OR4D10: variants seen among roughly 807,000 people sequenced by gnomAD.
OR4D10 encodes olfactory receptor family 4 subfamily D member 10, also known as olfactory receptor 4D10.
For synonymous variants in OR4D10, 188 were observed against 153.2 expected (o/e 1.23, Z -1.68); for missense variants, 395 against 378.0 (o/e 1.04, Z -0.37).
rs1467130428 is a variant in OR4D10, at chr11:59,478,966, T to C, written c.*601T>C. ...GGTGTATCTGAAACACAATGGAGTT[T>C]GGGGATTGACTTTCTGTATAATTTT... On this transcript the variant is annotated 3_prime_UTR_variant, in exon 3 of 3. Transcript: ENST00000530162. The C allele has an allele frequency of 6.6e-6, 1 of 152,194 alleles. No individual in the cohort carries two copies. Among genetic ancestry groups the C allele is most frequent in the Non-Finnish European group, 1.5e-5 (1 of 68,076 alleles). The allele number at this position is 152,194 out of a possible 1,614,324, so 9.4% of individuals were successfully genotyped here. A position where few individuals can be genotyped will look rare whatever the true frequency, so the allele number is the denominator to read the frequency against.
rs907012294 is a variant in OR4D10 at position 59,479,082 on chromosome 11, C to T, written c.*717C>T. The T allele has an allele frequency of 1.1e-4, 17 of 152,164 alleles. No homozygotes were observed. The highest frequency in any genetic ancestry group is 3.4e-4 in the African/African-American group (14 of 41,422). The allele number at this position is 152,164 out of a possible 1,614,324, so 9.4% of individuals were successfully genotyped here. On this transcript the variant is annotated 3_prime_UTR_variant, in exon 3 of 3. Transcript: ENST00000530162. ...ACCCCAAGCTCACTGGCCACCCTAC[C>T]GCATTTCCTTGGCACTCTGTGCTTA...
chr11:59,477,285 G>A lies in OR4D10; in HGVS notation c.-145G>A. 1 of 531,078 alleles carries A rather than the reference G, an allele frequency of 1.9e-6. No individual in the cohort carries two copies. The highest frequency in any genetic ancestry group is 3.2e-6 in the Non-Finnish European group (1 of 308,800). 32.9% of individuals were successfully genotyped at this position (531,078 alleles called of 1,614,324 possible). ...AGACTAACTGAAATCTGAAAAACGT[G>A]AACAATGCAACAAACTGCAAAAACT... On this transcript the variant is annotated 5_prime_UTR_variant, in exon 3 of 3. Coordinates refer to ENST00000530162, the MANE Select transcript of OR4D10 (RefSeq NM_001004705.2).
In OR4D10 at chr11:59,477,975, C is replaced by G; in HGVS notation, c.546C>G (p.His182Gln). 1.2e-6 allele frequency: 2 copies of G among 1,614,164 alleles called. No homozygotes were observed. Among genetic ancestry groups the G allele is most frequent in the South Asian group, 2.2e-5 (2 of 91,088 alleles). The change falls in exon 3 of 3, where the codon CAC (histidine) becomes CAG (glutamine). Residue 182 changes from histidine (H) to glutamine (Q), a missense_variant. Physicochemically the swap from His to Gln is conservative, Grantham distance 24 (BLOSUM62 0). Coordinates refer to ENST00000530162, the MANE Select transcript of OR4D10 (RefSeq NM_001004705.2). ...NVLDTFYCDV[H>Q]RVLKLAHTDI... ...TTGACACTTTCTACTGTGATGTCCA[C>G]CGGGTCCTCAAACTGGCCCATACAG... is the stretch of plus-strand genomic sequence containing the variant.
In OR4D10 at chr11:59,478,431, A is replaced by C. The variant is rs372132001; in HGVS notation, c.*66A>C. The C allele has an allele frequency of 9.1e-7, 1 of 1,103,990 alleles. No homozygotes were observed. Among genetic ancestry groups the C allele is most frequent in the East Asian group, 2.6e-5 (1 of 38,626 alleles). The allele number at this position is 1,103,990 out of a possible 1,614,324, so 68.4% of individuals were successfully genotyped here. On this transcript the variant is annotated 3_prime_UTR_variant, in exon 3 of 3. Transcript: ENST00000530162. ...TATTTATTATTTTTCCCATGAAGTCATATTCATATATTCAAATATATTGTC... is the reference window on the plus strand; with the variant it reads ...TATTTATTATTTTTCCCATGAAGTCCTATTCATATATTCAAATATATTGTC...
At position 59,477,745 on chromosome 11, in the gene OR4D10, C is replaced by CT; in HGVS notation, c.318dup (p.Ile107TyrfsTer32). The CT allele has an allele frequency of 1.2e-6, 2 of 1,614,110 alleles. No homozygotes were observed. The highest frequency in any genetic ancestry group is 1.7e-6 in the Non-Finnish European group (2 of 1,180,024). ...CTTCACTCAGATGTTTCTATTCCAC[C>CT]TTATTGGAGGGGTGGATGTATTTTC... On this transcript the variant is annotated frameshift_variant, in exon 3 of 3. Coordinates refer to ENST00000530162, the MANE Select transcript of OR4D10 (RefSeq NM_001004705.2). LOFTEE classifies it low-confidence loss of function (END_TRUNC).
intron 2 of OR4D10, among the ~76,000 whole-genome samples, chr11:59,474,959 G>A (rs1483084916): frequency 1.3e-5 from 2 of 150,840 alleles, no homozygotes; most frequent in East Asian, 3.9e-4. Flanking sequence ...TACTAGGGAG[G>A]CTGAGGCAGG....
At position 59,478,120 on chromosome 11, in the gene OR4D10, G is replaced by T. The variant is rs75898556; in HGVS notation, c.691G>T (p.Glu231Ter). The change falls in exon 3 of 3, where the codon GAG becomes TAG. Residue 231 changes from glutamate (E) to a stop codon, truncating the protein, a stop_gained. Coordinates refer to ENST00000530162, the MANE Select transcript of OR4D10 (RefSeq NM_001004705.2). LOFTEE classifies it high-confidence loss of function. The stretch of plus-strand genomic sequence containing the variant: ...ATCATTACCCAAGTCTCAGGCAGGA[G>T]AGGGCAGGAGGAAAGCCATCTCCAC... ...ILSLPKSQAG[E>*]GRRKAISTCT... 40,522 of 1,614,022 alleles carry T rather than the reference G, an allele frequency of 0.025. 1,897 individuals carry two copies. Among genetic ancestry groups the T allele is most frequent in the Admixed American group, 0.17 (10,453 of 59,990 alleles).
intron 2 of OR4D10, among the ~76,000 whole-genome samples, chr11:59,476,334 G>A (rs1322124537): frequency 2.0e-5 from 3 of 152,134 alleles, no homozygotes; most frequent in Non-Finnish European, 2.9e-5. Context: ...AACAAAGCCT[G>A]AAATTGAGCA....
Position 59,473,541 on chromosome 11 carries a change from T to G in OR4D10, c.-324T>G, listed in dbSNP as rs1279930599. The G allele has an allele frequency of 6.6e-6, 1 of 152,206 alleles. No individual in the cohort carries two copies. The highest frequency in any genetic ancestry group is 1.5e-5 in the Non-Finnish European group (1 of 68,032). 9.4% of individuals were successfully genotyped at this position (152,206 alleles called of 1,614,324 possible). Reference sequence around the variant, plus strand: ...TTTAGCATAGCAAAGGGCTTAACTTTTAAACAAGATTTTCAAGAATTAATG... The same window carrying G: ...TTTAGCATAGCAAAGGGCTTAACTTGTAAACAAGATTTTCAAGAATTAATG... On this transcript the variant is annotated 5_prime_UTR_variant, in exon 1 of 3. Transcript: ENST00000530162.
At position 59,478,464 on chromosome 11, in the gene OR4D10, C is replaced by A; in HGVS notation, c.*99C>A. The A allele has an allele frequency of 2.5e-6, 2 of 788,930 alleles. No homozygotes were observed. Among genetic ancestry groups the A allele is most frequent in the Non-Finnish European group, 3.8e-6 (2 of 526,346 alleles). 48.9% of individuals were successfully genotyped at this position (788,930 alleles called of 1,614,324 possible). On this transcript the variant is annotated 3_prime_UTR_variant, in exon 3 of 3. Transcript: ENST00000530162. ...ATATTCAAATATATTGTCAAACCAA[C>A]TACACTTAGTAATAATTAATTTTTC... is the stretch of plus-strand genomic sequence containing the variant.
rs199559831 is a variant in OR4D10 at position 59,477,893 on chromosome 11, A to C, written c.464A>C (p.His155Pro). ...TVAAWLGGFV[H>P]SIVQISLLLP... is the part of the protein sequence containing the mutation. ...GCTGCCTGGTTGGGGGGCTTTGTCC[A>C]CTCCATCGTGCAGATTTCCCTGTTG... The change falls in exon 3 of 3, where the codon CAC becomes CCC. Residue 155 changes from histidine (H) to proline (P), a missense_variant. Transcript: ENST00000530162. 1,099 of 1,613,492 alleles carry C rather than the reference A, an allele frequency of 6.8e-4. 2 individuals are homozygous for C. The highest frequency in any genetic ancestry group is 9.1e-4 in the Non-Finnish European group (1,069 of 1,179,902).
In OR4D10 at chr11:59,477,358, A is replaced by G; in HGVS notation, c.-72A>G. 8.6e-7 allele frequency: 1 copy of G among 1,165,284 alleles called. No individual in the cohort carries two copies. Among genetic ancestry groups the G allele is most frequent in the Non-Finnish European group, 1.2e-6 (1 of 831,696 alleles). 72.2% of individuals were successfully genotyped at this position (1,165,284 alleles called of 1,614,324 possible). A position where few individuals can be genotyped will look rare whatever the true frequency, so the allele number is the denominator to read the frequency against. On this transcript the variant is annotated 5_prime_UTR_variant, in exon 3 of 3. Transcript: ENST00000530162. The stretch of plus-strand genomic sequence containing the variant: ...CACTGCATTCTAGGTGTTTAGGAAG[A>G]CAACAAAATAAATATCCCAGTGCTT...
Position 59,477,749 on chromosome 11 carries a change from T to C in OR4D10, c.320T>C (p.Ile107Thr). ...ACTCAGATGTTTCTATTCCACCTTATTGGAGGGGTGGATGTATTTTCTCTT... is the reference window on the plus strand; with the variant it reads ...ACTCAGATGTTTCTATTCCACCTTACTGGAGGGGTGGATGTATTTTCTCTT... ...CFTQMFLFHL[I>T]GGVDVFSLSV... The change falls in exon 3 of 3, where the codon ATT becomes ACT. Residue 107 changes from isoleucine (I) to threonine (T), a missense_variant. Physicochemically the swap from Ile to Thr is moderately conservative, Grantham distance 89 (BLOSUM62 -1). Coordinates refer to ENST00000530162, the MANE Select transcript of OR4D10 (RefSeq NM_001004705.2). 6.2e-7 allele frequency: 1 copy of C among 1,614,052 alleles called. No individual in the cohort carries two copies. The highest frequency in any genetic ancestry group is 8.5e-7 in the Non-Finnish European group (1 of 1,179,906).
In OR4D10 at chr11:59,478,049, C is replaced by T. The variant is rs369750747; in HGVS notation, c.620C>T (p.Thr207Ile). ...LLMISNNGLL[T>I]TLWFFLLLVS... is the part of the protein sequence containing the mutation. ...ATGATTTCCAACAATGGACTGCTCACCACACTGTGGTTTTTCCTGCTCCTG... is the reference window on the plus strand; with the variant it reads ...ATGATTTCCAACAATGGACTGCTCATCACACTGTGGTTTTTCCTGCTCCTG... The change falls in exon 3 of 3, where the codon ACC (threonine) becomes ATC (isoleucine). Residue 207 changes from threonine (T) to isoleucine (I), a missense_variant. By Grantham distance (89) the Thr-to-Ile change is moderately conservative. Transcript: ENST00000530162. The T allele has an allele frequency of 6.2e-7, 1 of 1,614,054 alleles. No homozygotes were observed. Among genetic ancestry groups the T allele is most frequent in the African/African-American group, 1.3e-5 (1 of 74,900 alleles).
At chr11:59,475,215 C>T (rs927793625) in intron 2 of OR4D10, among the ~76,000 whole-genome samples, 3 of 152,030 alleles carry the variant, frequency 2.0e-5, no homozygotes, top group Non-Finnish European at 4.4e-5. Flanking sequence ...TACCTAGGCA[C>T]CATTGAATGT....
chr11:59,477,648 C>G lies in OR4D10; in HGVS notation c.219C>G (p.Phe73Leu), dbSNP rs755692134. Residue 73 changes from phenylalanine to leucine, a missense_variant, in exon 3 of 3, where the codon TTC becomes TTG. Transcript: ENST00000530162. ...LHNLSIADICFSSITVPKVLV... is the reference protein window; with the variant it reads ...LHNLSIADICLSSITVPKVLV... ...ATTTATCTATTGCCGATATCTGCTT[C>G]TCTTCCATCACAGTGCCCAAGGTTC... The G allele has an allele frequency of 1.2e-6, 2 of 1,614,060 alleles. No individual in the cohort carries two copies. The highest frequency in any genetic ancestry group is 1.7e-5 in the Admixed American group (1 of 59,998).
chr11:59,473,859 G>T (rs1164746246), intron 2 of OR4D10, 66 bp downstream of exon 2: 1 of 152,182 alleles, frequency 6.6e-6, no homozygotes, highest in Non-Finnish European at 1.5e-5. Context: ...TGATCCATTT[G>T]GTGTGAGAGG....
intron 2 of OR4D10, among the ~76,000 whole-genome samples, chr11:59,476,655 G>T (rs1464259142): frequency 3.3e-5 from 5 of 152,040 alleles, no homozygotes; most frequent in Non-Finnish European, 4.4e-5. Flanking sequence ...CATCTCTGCT[G>T]ACTCCAACTG....
rs1398561201 is a variant in OR4D10, at chr11:59,473,730, ATTT to A, written c.-223-6_-223-4del. On this transcript the variant is annotated splice_polypyrimidine_tract_variant and splice_region_variant and intron_variant, in intron 1 of 2. Transcript: ENST00000530162. ...ATGTATGACTAATTTAACTTTGAAT[ATTT>A]TTCAGGTATATCAAATGCTTCAGAG... 6.6e-6 allele frequency: 1 copy of A among 152,224 alleles called. No homozygotes were observed. Among genetic ancestry groups the A allele is most frequent in the Non-Finnish European group, 1.5e-5 (1 of 68,044 alleles). 9.4% of individuals were successfully genotyped at this position (152,224 alleles called of 1,614,324 possible). A position where few individuals can be genotyped will look rare whatever the true frequency, so the allele number is the denominator to read the frequency against.
Sources: gnomAD v4.1 joint callset for allele counts (sites outside exome capture counted in the v4.1 genomes callset) on GRCh38, gnomAD v4.1.1 for gene constraint, MANE v1.5 for transcripts, NCBI Gene and HGNC (gene_info 2026-07-23, HGNC 2026-07-21) for gene names.